The following CTNNA3 variants were observed in gnomAD, a reference collection of about 807,000 sequenced individuals.
CTNNA3 encodes catenin alpha 3, also known as catenin alpha-3.
In CTNNA3, 76 loss-of-function variants were observed where a neutral mutation model predicts 95.7. The ratio of observed to expected loss-of-function variants is 0.79; its 90% confidence interval spans 0.66 to 0.96. CTNNA3 has a LOEUF of 0.96. CTNNA3 is among the 40% of genes least tolerant of loss of function. The probability of loss-of-function intolerance (pLI) is 0.00; values close to 1 mark genes in which losing one functional copy is unlikely to be tolerated. For missense variants in CTNNA3, 1,191 were observed against 1,089.8 expected (o/e 1.09, Z -1.31); for synonymous variants, 431 against 374.4 (o/e 1.15, Z -1.74).
Position 66,868,314 on chromosome 10 carries a change from G to A in CTNNA3, c.1048-92790C>T, listed in dbSNP as rs1338854786. Among the ~76,000 whole-genome samples the A allele has an allele frequency of 5.3e-5, 8 of 149,762 alleles. No homozygotes were observed. The South Asian group carries it at 8.5e-4, about 16-fold the overall frequency. ...CAGGAGGCAGAGGTTGCAGTGAACC[G>A]AGATCGCGCCATTGCACTCCAGCCT... On this transcript the variant is annotated intron_variant, in intron 7 of 17. Transcript: ENST00000433211.
chr10:66,727,575 G>A (rs986882898), intron 9 of CTNNA3, among the ~76,000 whole-genome samples: 2 of 151,956 alleles, frequency 1.3e-5, no homozygotes, highest in African/African-American at 4.8e-5. Context: ...AATAATTAAA[G>A]CAATATTTCT....
At chr10:67,503,448 T>A (rs1564698213) in intron 5 of CTNNA3, among the ~76,000 whole-genome samples, 1 of 152,224 alleles carries the variant, frequency 6.6e-6, no homozygotes, top group South Asian at 2.1e-4. Flanking sequence ...CTTAACTATT[T>A]TTTTTTATTA....
rs959203494 is a variant in CTNNA3 at position 66,319,841 on chromosome 10, A to G, written c.1733-39220T>C. 3.9e-5 allele frequency among the ~76,000 whole-genome samples: 6 copies of G among 152,266 alleles called. No homozygotes were observed. In the South Asian group the frequency reaches 1.2e-3, roughly 32 times the overall value. ...CACTCTTCAAAGGAAGAGAGTATTTATTTGTGAGACTAAGAAAGGGCATGA... is the reference window on the plus strand; with the variant it reads ...CACTCTTCAAAGGAAGAGAGTATTTGTTTGTGAGACTAAGAAAGGGCATGA... On this transcript the variant is annotated intron_variant, in intron 12 of 17. Coordinates refer to ENST00000433211, the MANE Select transcript of CTNNA3 (RefSeq NM_013266.4).
chr10:66,188,496 C>G (rs985589790), intron 13 of CTNNA3, among the ~76,000 whole-genome samples: 3 of 147,422 alleles, frequency 2.0e-5, no homozygotes, highest in Non-Finnish European at 3.0e-5. Context: ...TTGCATTTGG[C>G]TTATTTCACT....
At chr10:66,397,553 C>A (rs1250033910) in intron 11 of CTNNA3, among the ~76,000 whole-genome samples, 6 of 151,628 alleles carry the variant, frequency 4.0e-5, no homozygotes, top group Admixed American at 3.3e-4. Context: ...ATGATATATT[C>A]ATTTTAATGA....
chr10:67,225,122 C>G (rs1219662664), intron 5 of CTNNA3, among the ~76,000 whole-genome samples: 2 of 152,112 alleles, frequency 1.3e-5, no homozygotes, highest in African/African-American at 4.8e-5. Context: ...TCCCTGACAA[C>G]CTGGATGACT....
At chr10:66,241,776 C>A (rs1417451101) in intron 13 of CTNNA3, among the ~76,000 whole-genome samples, 1 of 151,866 alleles carries the variant, frequency 6.6e-6, no homozygotes, top group Non-Finnish European at 1.5e-5. Flanking sequence ...AAATATTAAC[C>A]TAAGCAAAAA....
intron 5 of CTNNA3, among the ~76,000 whole-genome samples, chr10:67,235,724 G>C (rs1865420859): frequency 7.0e-6 from 1 of 143,428 alleles, no homozygotes; most frequent in Non-Finnish European, 1.5e-5. Context: ...AGAGTGAACA[G>C]GCAACCTACA....
At chr10:66,614,981 C>A (rs1589499438) in intron 10 of CTNNA3, among the ~76,000 whole-genome samples, 1 of 152,074 alleles carries the variant, frequency 6.6e-6, no homozygotes, top group African/African-American at 2.4e-5. Flanking sequence ...AATTCTTCTA[C>A]TTCTCAATAA....
intron 5 of CTNNA3, among the ~76,000 whole-genome samples, chr10:67,272,446 G>T (rs1249476636): frequency 1.3e-5 from 2 of 152,048 alleles, no homozygotes; most frequent in African/African-American, 4.8e-5. Flanking sequence ...CCGGTTACTT[G>T]GGAGGCTGAG....
At chr10:66,084,323 C>T (rs1214838588) in intron 14 of CTNNA3, among the ~76,000 whole-genome samples, 1 of 151,736 alleles carries the variant, frequency 6.6e-6, no homozygotes, top group Non-Finnish European at 1.5e-5. Flanking sequence ...CTGTTGCATG[C>T]CATTATCAAA....
rs190659535 is a variant in CTNNA3, at chr10:67,726,281, A to C, written c.-2+37153T>G. The stretch of plus-strand genomic sequence containing the variant: ...TTGTATTACATATTATATATATTAT[A>C]TTACATATTATATATGATATTATCT... On this transcript the variant is annotated intron_variant, in intron 1 of 17. Transcript: ENST00000684154. Among the ~76,000 whole-genome samples, 27 of 92,884 alleles carry C rather than the reference A, an allele frequency of 2.9e-4. 1 individual carries two copies. Among genetic ancestry groups the C allele is most frequent in the Admixed American group, 1.3e-3 (8 of 6,190 alleles). The allele number at this position is 92,884 out of a possible 152,430, so 60.9% of individuals were successfully genotyped here. A position where few individuals can be genotyped will look rare whatever the true frequency, so the allele number is the denominator to read the frequency against.
chr10:66,322,178 T>C (rs2092197415), intron 12 of CTNNA3, among the ~76,000 whole-genome samples: 1 of 152,096 alleles, frequency 6.6e-6, no homozygotes, highest in Non-Finnish European at 1.5e-5. Flanking sequence ...TATATCTGTT[T>C]TTAAAATATC....
intron 7 of CTNNA3, among the ~76,000 whole-genome samples, chr10:67,026,775 C>T (rs559551489): frequency 1.1e-4 from 16 of 152,276 alleles, no homozygotes; most frequent in African/African-American, 3.1e-4. Flanking sequence ...AGTTGATTGA[C>T]ATAAGGAGAG....
intron 1 of CTNNA3, among the ~76,000 whole-genome samples, chr10:67,752,600 C>T (rs913167106): frequency 2.0e-5 from 3 of 152,196 alleles, no homozygotes; most frequent in African/African-American, 7.2e-5. Context: ...CCAAAAGCTC[C>T]TTAAGCTGAT....
At chr10:66,473,853 T>A (rs967033926) in intron 11 of CTNNA3, among the ~76,000 whole-genome samples, 3 of 152,132 alleles carry the variant, frequency 2.0e-5, no homozygotes, top group African/African-American at 7.2e-5. Flanking sequence ...ACTCATCATT[T>A]TTTATGGCTG....
intron 7 of CTNNA3, among the ~76,000 whole-genome samples, chr10:67,148,253 C>T (rs946778090): frequency 6.6e-6 from 1 of 152,180 alleles, no homozygotes; most frequent in Admixed American, 6.5e-5. Flanking sequence ...ATACAGCCAT[C>T]CTCCTAAAAC....
chr10:66,145,801 A>C (rs1360931482), intron 13 of CTNNA3, among the ~76,000 whole-genome samples: 1 of 152,146 alleles, frequency 6.6e-6, no homozygotes, highest in Non-Finnish European at 1.5e-5. Context: ...AGAGATGCAG[A>C]ATCAAAATGA....
intron 9 of CTNNA3, among the ~76,000 whole-genome samples, chr10:66,663,647 A>C (rs1005199099): frequency 2.0e-5 from 3 of 152,106 alleles, no homozygotes; most frequent in African/African-American, 4.8e-5. Context: ...AAGAAGACTG[A>C]GATTTTTATC....
Sources: gnomAD v4.1 joint callset for allele counts (sites outside exome capture counted in the v4.1 genomes callset) on GRCh38, gnomAD v4.1.1 for gene constraint, MANE v1.5 for transcripts, NCBI Gene and HGNC (gene_info 2026-07-23, HGNC 2026-07-21) for gene names.